The following MAP1A variants were observed in gnomAD, a reference collection of about 807,000 sequenced individuals.
MAP1A encodes microtubule associated protein 1A.
In MAP1A, 42 loss-of-function variants were observed where a neutral mutation model predicts 185.9. That is an observed-to-expected ratio of 0.23 (90% CI 0.18 to 0.29). MAP1A has a LOEUF of 0.29. MAP1A is among the 10% of genes least tolerant of loss of function. The probability of loss-of-function intolerance (pLI) is 1.00; values close to 1 mark genes in which losing one functional copy is unlikely to be tolerated. For synonymous variants in MAP1A, 1,229 were observed against 1,335.9 expected (o/e 0.92, Z 1.74); for missense variants, 2,995 against 3,450.4 (o/e 0.87, Z 3.31).
upstream of MAP1A, among the ~76,000 whole-genome samples, chr15:43,515,810 A>G (rs2079295157): frequency 6.6e-6 from 1 of 152,164 alleles, no homozygotes; most frequent in Admixed American, 6.5e-5. Context: ...GCTCAGCTCA[A>G]GCCTCTCTTT....
In MAP1A at chr15:43,530,877, C is replaced by T. The variant is rs779205150; in HGVS notation, c.*653C>T. On this transcript the variant is annotated 3_prime_UTR_variant, in exon 6 of 6. Transcript: ENST00000300231. ...GTGAGAGGAGAAAGGAGCTTATCCC[C>T]CAGACCCTGCTTTATACCATTCACA... The T allele has an allele frequency of 6.5e-6, 1 of 153,762 alleles. No individual in the cohort carries two copies. Among genetic ancestry groups the T allele is most frequent in the Non-Finnish European group, 1.5e-5 (1 of 68,826 alleles). The allele number at this position is 153,762 out of a possible 1,614,324, so 9.5% of individuals were successfully genotyped here.
At position 43,528,656 on chromosome 15, in the gene MAP1A, G is replaced by C. The variant is rs757264534; in HGVS notation, c.7183G>C (p.Glu2395Gln). The change falls in exon 4 of 6, where the codon GAA (glutamate) becomes CAA (glutamine). Residue 2395 changes from glutamate to glutamine, a missense_variant. By Grantham distance (29) the Glu-to-Gln change is conservative. This residue lies in a region of MAP1A where 2,728 missense variants were observed against 2,986.0 expected (regional missense o/e 0.91). Transcript: ENST00000300231. ...CPAWERGAWP[E>Q]GAERSSRPDT... is the part of the protein sequence containing the mutation. ...TGCCTGGGAACGTGGGGCCTGGCCT[G>C]AAGGAGCTGAGAGGAGCTCCCGGCC... 6.2e-7 allele frequency: 1 copy of C among 1,613,384 alleles called. No individual in the cohort carries two copies. The highest frequency in any genetic ancestry group is 1.1e-5 in the South Asian group (1 of 91,048).
rs763883565 is a variant in MAP1A, at chr15:43,524,421, G to A, written c.2948G>A (p.Arg983Gln). The A allele has an allele frequency of 1.3e-5, 21 of 1,614,050 alleles. No homozygotes were observed. In the Admixed American group the frequency reaches 1.3e-4, roughly 10 times the overall value. The change falls in exon 4 of 6, where the codon CGG becomes CAG. Residue 983 changes from arginine to glutamine, a missense_variant. This residue lies in a region of MAP1A where 2,728 missense variants were observed against 2,986.0 expected (regional missense o/e 0.91). Transcript: ENST00000300231. ...GEPALGEAEE[R>Q]CLSPDDSTVK... ...CCAGCCCTTGGAGAAGCAGAGGAGC[G>A]GTGCCTTAGCCCAGATGACAGCACA...
upstream of MAP1A, among the ~76,000 whole-genome samples, chr15:43,515,402 A>G (rs1238424237): frequency 6.6e-6 from 1 of 152,196 alleles, no homozygotes; most frequent in African/African-American, 2.4e-5. Context: ...ATGGGAAAGC[A>G]AGGACATGAA....
rs1488761037 is a variant in MAP1A at position 43,530,014 on chromosome 15, C to G, written c.8257-55C>G. ...TGAGACCATGAGGTGCCCCTTCCCCCTCACCTACCTTCCCTTTATGTTCTC... is the reference window on the plus strand; with the variant it reads ...TGAGACCATGAGGTGCCCCTTCCCCGTCACCTACCTTCCCTTTATGTTCTC... On this transcript the variant is annotated intron_variant, in intron 5 of 5. Coordinates refer to ENST00000300231, the MANE Select transcript of MAP1A (RefSeq NM_002373.6). The G allele has an allele frequency of 3.8e-6, 6 of 1,594,284 alleles. No homozygotes were observed. In the Admixed American group the frequency reaches 5.0e-5, roughly 13 times the overall value.
At chr15:43,512,331 C>T (rs756160207) in intron 2 of MAP1A, 157 of 1,398,602 alleles carry the variant, frequency 1.1e-4, no homozygotes, top group Non-Finnish European at 1.4e-4. Flanking sequence ...TGGGTAAGAG[C>T]TGGTCACAGA....
At chr15:43,513,015 G>A (rs1028465956), upstream of MAP1A, among the ~76,000 whole-genome samples, 5 of 152,112 alleles carry the variant, frequency 3.3e-5, no homozygotes, top group Admixed American at 6.5e-5. Context: ...AGGTGACTAC[G>A]GAAAGCTCTA....
In MAP1A at chr15:43,527,306, G is replaced by A; in HGVS notation, c.5833G>A (p.Glu1945Lys). ...GGCCAGCAAAAGCCATGCCACCACG[G>A]AGCCTGAGCAGACTGAGCCGGAGCA... Reference protein sequence around the residue: ...PEASKSHATTEPEQTEPEQRE... With the variant: ...PEASKSHATTKPEQTEPEQRE... Residue 1945 changes from glutamate to lysine, a missense_variant, in exon 4 of 6, where the codon GAG (glutamate) becomes AAG (lysine). Around this residue, in one of 3 missense-constraint regions of MAP1A, gnomAD observed 2,728 missense variants for 2,986.0 expected, o/e 0.91. Transcript: ENST00000300231. The A allele has an allele frequency of 2.5e-6, 4 of 1,614,182 alleles. No homozygotes were observed. Among genetic ancestry groups the A allele is most frequent in the Non-Finnish European group, 3.4e-6 (4 of 1,180,010 alleles).
rs1158037830 is a variant in MAP1A at position 43,523,441 on chromosome 15, T to G, written c.1968T>G (p.Ala656=). 2 of 1,613,524 alleles carry G rather than the reference T, an allele frequency of 1.2e-6. No homozygotes were observed. The highest frequency in any genetic ancestry group is 1.6e-4 in the Middle Eastern group (1 of 6,084). The part of the protein sequence containing the change: ...PEVKEDVIEK[A]ELEEMEEVHP... ...TAAAGGAGGATGTGATAGAAAAGGC[T>G]GAGTTAGAAGAAATGGAGGAGGTAC... Residue 656 remains alanine (A), a synonymous_variant, in exon 4 of 6, where the codon GCT becomes GCG. Transcript: ENST00000300231.
chr15:43,527,531 C>T lies in MAP1A; in HGVS notation c.6058C>T (p.Pro2020Ser). 6.2e-7 allele frequency: 1 copy of T among 1,614,064 alleles called. No individual in the cohort carries two copies. The change falls in exon 4 of 6, where the codon CCT becomes TCT. Residue 2020 changes from proline to serine, a missense_variant. By Grantham distance (74) the Pro-to-Ser change is moderately conservative (BLOSUM62 -1). This residue lies in a region of MAP1A where 2,728 missense variants were observed against 2,986.0 expected (regional missense o/e 0.91). Transcript: ENST00000300231. Reference protein sequence around the residue: ...NTSAEKELSSPISPKSLQSDT... With the variant: ...NTSAEKELSSSISPKSLQSDT... ...ATCTGCAGAGAAGGAGCTTTCATCT[C>T]CTATCTCACCCAAGAGCCTCCAGTC...
intron 1 of MAP1A, among the ~76,000 whole-genome samples, chr15:43,518,708 A>ACCCCCCCCCCCCCCCC (rs34711237): frequency 6.0e-5 from 5 of 83,630 alleles, no homozygotes; most frequent in Admixed American, 1.2e-4. Context: ...ACCGCAGCCC[A>ACCCCCCCCCCCCCCCC]CCCCCCCCCG....
Position 43,522,888 on chromosome 15 carries a change from G to C in MAP1A, c.1415G>C (p.Arg472Pro), listed in dbSNP as rs372755049. The change falls in exon 4 of 6, where the codon CGT becomes CCT. Residue 472 changes from arginine (R) to proline (P), a missense_variant. Around this residue, in one of 3 missense-constraint regions of MAP1A, gnomAD observed 2,728 missense variants for 2,986.0 expected, o/e 0.91. Coordinates refer to ENST00000300231, the MANE Select transcript of MAP1A (RefSeq NM_002373.6). This position sits in a 1 kb window ranked among gnomAD's most constrained non-coding sequence, Gnocchi z 5.9. Reference sequence around the variant, plus strand: ...CTAAAGCCCTTTACTCCTGAGGTACGTAAGACCCTCTATAAAGCCAAGGTC... The same window carrying C: ...CTAAAGCCCTTTACTCCTGAGGTACCTAAGACCCTCTATAAAGCCAAGGTC... ...PDLKPFTPEV[R>P]KTLYKAKVPG... 2 of 1,611,650 alleles carry C rather than the reference G, an allele frequency of 1.2e-6. No individual in the cohort carries two copies. The highest frequency in any genetic ancestry group is 1.7e-5 in the Admixed American group (1 of 59,466).
At position 43,521,783 on chromosome 15, in the gene MAP1A, C is replaced by T. The variant is rs777316288; in HGVS notation, c.310C>T (p.Arg104Cys). ...NLPGINGLLQ[R>C]KVAELEEEQS... ...GCCAGGCATCAATGGACTACTGCAG[C>T]GCAAAGTGGCAGAGCTAGAGGAGGA... The change falls in exon 4 of 6, where the codon CGC becomes TGC. Residue 104 changes from arginine to cysteine, a missense_variant. Around this residue, in one of 3 missense-constraint regions of MAP1A, gnomAD observed 264 missense variants for 435.3 expected, o/e 0.61. Coordinates refer to ENST00000300231, the MANE Select transcript of MAP1A (RefSeq NM_002373.6). This position sits in a 1 kb window ranked among gnomAD's most constrained non-coding sequence, Gnocchi z 4.6. The T allele has an allele frequency of 3.7e-6, 6 of 1,614,214 alleles. No homozygotes were observed. The highest frequency in any genetic ancestry group is 1.7e-5 in the Admixed American group (1 of 60,030).
chr15:43,528,281 A>C lies in MAP1A; in HGVS notation c.6808A>C (p.Ser2270Arg). The part of the protein sequence containing the change: ...SSEATTPVIS[S>R]VAERFSPSLE... ...TGAGGCTACCACGCCTGTGATTTCA[A>C]GTGTGGCGGAGCGCTTCTCTCCAAG... The change falls in exon 4 of 6, where the codon AGT becomes CGT. Residue 2270 changes from serine to arginine, a missense_variant. Coordinates refer to ENST00000300231, the MANE Select transcript of MAP1A (RefSeq NM_002373.6). 1 of 1,614,020 alleles carries C rather than the reference A, an allele frequency of 6.2e-7. No homozygotes were observed. Among genetic ancestry groups the C allele is most frequent in the Non-Finnish European group, 8.5e-7 (1 of 1,180,026 alleles).
Position 43,524,908 on chromosome 15 carries a change from C to G in MAP1A, c.3435C>G (p.Leu1145=). The change falls in exon 4 of 6, where the codon CTC becomes CTG. Residue 1145 remains leucine (L), a synonymous_variant. Transcript: ENST00000300231. ...DEVLRYPDRS[L]SPEDAESLSV... is the part of the protein sequence containing the mutation. Reference sequence around the variant, plus strand: ...TGCTCAGATATCCTGACCGAAGCCTCTCTCCTGAAGATGCAGAATCCCTCT... The same window carrying G: ...TGCTCAGATATCCTGACCGAAGCCTGTCTCCTGAAGATGCAGAATCCCTCT... 1 of 1,614,190 alleles carries G rather than the reference C, an allele frequency of 6.2e-7. No homozygotes were observed. Among genetic ancestry groups the G allele is most frequent in the Non-Finnish European group, 8.5e-7 (1 of 1,180,040 alleles).
chr15:43,525,825 A>G lies in MAP1A; in HGVS notation c.4352A>G (p.Glu1451Gly). ...KALEQKDKIP[E>G]EKDKALEQKD... ...CTGGAACAGAAGGATAAGATTCCAG[A>G]AGAGAAAGACAAAGCCTTAGAACAA... The change falls in exon 4 of 6, where the codon GAA becomes GGA. Residue 1451 changes from glutamate to glycine, a missense_variant. Physicochemically the swap from Glu to Gly is moderately conservative, Grantham distance 98. Coordinates refer to ENST00000300231, the MANE Select transcript of MAP1A (RefSeq NM_002373.6). 6.3e-7 allele frequency: 1 copy of G among 1,581,878 alleles called. No homozygotes were observed. The highest frequency in any genetic ancestry group is 8.6e-7 in the Non-Finnish European group (1 of 1,166,372).
chr15:43,528,593 C>G lies in MAP1A; in HGVS notation c.7120C>G (p.Pro2374Ala), dbSNP rs1183604417. ...CAGCCCTAACCCCCCAGGCCCTGCC[C>G]CAGCCAAGGCTGAAAATGAAGAGGC... ...ETSPNPPGPAPAKAENEEAAA... is the reference protein window; with the variant it reads ...ETSPNPPGPAAAKAENEEAAA... Residue 2374 changes from proline (P) to alanine (A), a missense_variant, in exon 4 of 6, where the codon CCA (proline) becomes GCA (alanine). Pro to Ala is a conservative substitution (Grantham distance 27, BLOSUM62 -1). This residue lies in a region of MAP1A where 2,728 missense variants were observed against 2,986.0 expected (regional missense o/e 0.91). Transcript: ENST00000300231. The G allele has an allele frequency of 6.2e-7, 1 of 1,614,038 alleles. No individual in the cohort carries two copies. The highest frequency in any genetic ancestry group is 1.7e-5 in the Admixed American group (1 of 60,036).
Position 43,527,271 on chromosome 15 carries a change from A to C in MAP1A, c.5798A>C (p.Lys1933Thr). Reference protein sequence around the residue: ...EAPDKSSHSSKVPEASKSHAT... With the variant: ...EAPDKSSHSSTVPEASKSHAT... ...CCTGACAAAAGCTCACACAGCTCAA[A>C]GGTACCAGAGGCCAGCAAAAGCCAT... Residue 1933 changes from lysine (K) to threonine (T), a missense_variant, in exon 4 of 6, where the codon AAG becomes ACG. Around this residue, in one of 3 missense-constraint regions of MAP1A, gnomAD observed 2,728 missense variants for 2,986.0 expected, o/e 0.91. Coordinates refer to ENST00000300231, the MANE Select transcript of MAP1A (RefSeq NM_002373.6). 6.2e-7 allele frequency: 1 copy of C among 1,614,134 alleles called. No individual in the cohort carries two copies. The highest frequency in any genetic ancestry group is 1.3e-5 in the African/African-American group (1 of 75,028).
At position 43,529,560 on chromosome 15, in the gene MAP1A, G is replaced by A. The variant is rs1198456003; in HGVS notation, c.8035+52G>A. 3 of 1,603,810 alleles carry A rather than the reference G, an allele frequency of 1.9e-6. No individual in the cohort carries two copies. Among genetic ancestry groups the A allele is most frequent in the Admixed American group, 3.3e-5 (2 of 59,792 alleles). On this transcript the variant is annotated intron_variant, in intron 4 of 5. Coordinates refer to ENST00000300231, the MANE Select transcript of MAP1A (RefSeq NM_002373.6). The surrounding 1 kb of genome is among the most constrained non-coding windows in gnomAD (Gnocchi z 4.3). Reference sequence around the variant, plus strand: ...GAGTGTGGGTTAGGGCTGGGTGTGGGCTGGTCAGACTTCAGGAGTGGGACA... The same window carrying A: ...GAGTGTGGGTTAGGGCTGGGTGTGGACTGGTCAGACTTCAGGAGTGGGACA...
Sources: allele counts gnomAD v4.1 joint callset (sites outside exome capture counted in the v4.1 genomes callset), GRCh38; gene constraint gnomAD v4.1.1; regional missense constraint gnomAD v4.1.1; non-coding constraint Gnocchi (gnomAD v3.1); transcripts MANE v1.5; gene names NCBI Gene and HGNC (gene_info 2026-07-23, HGNC 2026-07-21).